WDR75: variants seen among roughly 807,000 people sequenced by gnomAD.
WDR75 encodes WD repeat-containing protein 75.
Under a neutral mutation model 106.1 loss-of-function variants are expected in WDR75, and 52 were observed. The observed-to-expected ratio is 0.49, with a 90% confidence interval of 0.39 to 0.62. The LOEUF (loss-of-function observed/expected upper bound fraction) is 0.62. Among genes scored for constraint, WDR75 ranks in the 20% least tolerant of loss-of-function variants. WDR75 has a pLI of 0.00. For missense variants in WDR75, 905 were observed against 970.3 expected, an observed-to-expected ratio of 0.93 and a Z score of 0.89; for synonymous variants, 333 against 335.5, an observed-to-expected ratio of 0.99 and a Z score of 0.08.
rs888366860 is a variant in WDR75 at position 189,441,683 on chromosome 2, A to G, written c.86+105A>G. 69 of 1,342,960 alleles carry G rather than the reference A, an allele frequency of 5.1e-5. No individual in the cohort carries two copies. The African/African-American group carries it at 9.9e-4, about 19-fold the overall frequency. 83.2% of individuals were successfully genotyped at this position (1,342,960 alleles called of 1,614,324 possible). A position where few individuals can be genotyped will look rare whatever the true frequency, so the allele number is the denominator to read the frequency against. ...GCGTTCGGACTCGCCCGCCTGGCGG[A>G]TATCGGCTTTGGGTAGAGCACGCGC... On this transcript the variant is annotated intron_variant, in intron 1 of 20. Transcript: ENST00000314761.
intron 2 of WDR75, chr2:189,449,327 G>A (rs1367327919): frequency 7.7e-6 from 10 of 1,299,982 alleles, no homozygotes; most frequent in Non-Finnish European, 1.0e-5. Flanking sequence ...AAGTAGCACC[G>A]ATCTTTTCTT....
At chr2:189,459,639 T>C (rs183410270) in intron 8 of WDR75, among the ~76,000 whole-genome samples, 1 of 152,346 alleles carries the variant, frequency 6.6e-6, no homozygotes, top group African/African-American at 2.4e-5. Flanking sequence ...GTGATAAAAA[T>C]CTCTGTTGTT....
intron 5 of WDR75, among the ~76,000 whole-genome samples, chr2:189,456,919 G>A (rs1318237870): frequency 6.6e-6 from 1 of 152,224 alleles, no homozygotes; most frequent in Admixed American, 6.5e-5. Context: ...CAAAGTTACT[G>A]TTAACTTTTG....
At chr2:189,462,364 G>A in intron 8 of WDR75, 120 bp from the exon 9 acceptor site, 1 of 1,134,330 alleles carries the variant, frequency 8.8e-7, no homozygotes, top group South Asian at 1.8e-5. Flanking sequence ...GACACTTTTT[G>A]TAGCTTTAAA....
chr2:189,466,604 G>A, intron 13 of WDR75, 22 bp downstream of exon 13: 1 of 1,579,000 alleles, frequency 6.3e-7, no homozygotes, highest in Non-Finnish European at 8.6e-7. Flanking sequence ...AATATGTTAT[G>A]TTTAAAGTGT....
Position 189,465,178 on chromosome 2 carries a change from G to A in WDR75, c.1213G>A (p.Val405Met). Residue 405 changes from valine to methionine, a missense_variant, in exon 12 of 21, where the codon GTG becomes ATG. Val to Met is a conservative substitution (Grantham distance 21). Coordinates refer to ENST00000314761, the MANE Select transcript of WDR75 (RefSeq NM_032168.3). ...CTGCTTTGGTAACTGGCTTGCAACA[G>A]TGGAACAGCGGCAAGAAAAGGAAAC... ...FGCFGNWLAT[V>M]EQRQEKETEL... The A allele has an allele frequency of 6.2e-7, 1 of 1,613,226 alleles. No homozygotes were observed. Among genetic ancestry groups the A allele is most frequent in the African/African-American group, 1.3e-5 (1 of 74,990 alleles).
chr2:189,443,242 C>G (rs952693762), intron 1 of WDR75, among the ~76,000 whole-genome samples: 1 of 152,126 alleles, frequency 6.6e-6, no homozygotes, highest in African/African-American at 2.4e-5. Flanking sequence ...GATTGCTGAG[C>G]AAATGACATT....
At chr2:189,473,358 A>G (rs1687153014) in intron 18 of WDR75, among the ~76,000 whole-genome samples, 1 of 152,208 alleles carries the variant, frequency 6.6e-6, no homozygotes, top group South Asian at 2.1e-4. Context: ...GGTCTGGCAG[A>G]AATAGAAGAA....
At chr2:189,448,094 C>T (rs1371470) in intron 1 of WDR75, among the ~76,000 whole-genome samples, 22,079 of 152,184 alleles carry the variant, frequency 0.15, 1,986 homozygotes, top group South Asian at 0.2. Flanking sequence ...TGCCTTCCAC[C>T]ATGATTGTGA....
Position 189,452,189 on chromosome 2 carries a change from T to C in WDR75, c.373+294T>C, listed in dbSNP as rs1297444716. On this transcript the variant is annotated intron_variant, in intron 4 of 20. Transcript: ENST00000314761. ...GTCTTTCTACTGAACTTAAATCTGT[T>C]ATTAAGCATCACTATCATTTATCTA... 2.0e-5 allele frequency: 6 copies of C among 296,022 alleles called. No individual in the cohort carries two copies. The East Asian group carries it at 5.0e-4, about 25-fold the overall frequency. The allele number at this position is 296,022 out of a possible 1,614,324, so 18.3% of individuals were successfully genotyped here. A position where few individuals can be genotyped will look rare whatever the true frequency, so the allele number is the denominator to read the frequency against.
chr2:189,468,060 G>A (rs1687040506), intron 14 of WDR75, among the ~76,000 whole-genome samples: 2 of 152,150 alleles, frequency 1.3e-5, no homozygotes, highest in Admixed American at 1.3e-4. Context: ...TGGGCCTGAG[G>A]ACAGAATCAG....
chr2:189,441,516 C>G lies in WDR75; in HGVS notation c.24C>G (p.Arg8=). 6.4e-7 allele frequency: 1 copy of G among 1,566,696 alleles called. No individual in the cohort carries two copies. Among genetic ancestry groups the G allele is most frequent in the East Asian group, 2.3e-5 (1 of 42,598 alleles). ...AGATGGTGGAGGAGGAGAACATCCGCGTGGTTCGTTGTGGCGGCAGCGAGT... is the reference window on the plus strand; with the variant it reads ...AGATGGTGGAGGAGGAGAACATCCGGGTGGTTCGTTGTGGCGGCAGCGAGT... MVEEENI[R]VVRCGGSELN... Residue 8 remains arginine, a synonymous_variant, in exon 1 of 21, where the codon CGC becomes CGG. Coordinates refer to ENST00000314761, the MANE Select transcript of WDR75 (RefSeq NM_032168.3).
At chr2:189,459,101 C>T (rs1254080737) in intron 7 of WDR75, among the ~76,000 whole-genome samples, 1 of 152,124 alleles carries the variant, frequency 6.6e-6, no homozygotes, top group African/African-American at 2.4e-5. Context: ...GTTTGCCTTT[C>T]TCCAAAAAGG....
rs1021129862 is a variant in WDR75, at chr2:189,458,998, A to C, written c.689+126A>C. 31 of 1,196,648 alleles carry C rather than the reference A, an allele frequency of 2.6e-5. No homozygotes were observed. The African/African-American group carries it at 4.6e-4, about 18-fold the overall frequency. 74.1% of individuals were successfully genotyped at this position (1,196,648 alleles called of 1,614,324 possible). A position where few individuals can be genotyped will look rare whatever the true frequency, so the allele number is the denominator to read the frequency against. On this transcript the variant is annotated intron_variant, in intron 7 of 20. Coordinates refer to ENST00000314761, the MANE Select transcript of WDR75 (RefSeq NM_032168.3). The stretch of plus-strand genomic sequence containing the variant: ...TCCTTTTTTGTGTGCTTTTCATTTC[A>C]TACTTACTGTTTTAGAATTTCTAGC...
Position 189,463,772 on chromosome 2 carries a change from G to C in WDR75, c.997+19G>C. The C allele has an allele frequency of 6.2e-7, 1 of 1,613,700 alleles. No homozygotes were observed. Among genetic ancestry groups the C allele is most frequent in the African/African-American group, 1.3e-5 (1 of 75,002 alleles). On this transcript the variant is annotated intron_variant, in intron 10 of 20. Coordinates refer to ENST00000314761, the MANE Select transcript of WDR75 (RefSeq NM_032168.3). The stretch of plus-strand genomic sequence containing the variant: ...GTGAAAGGTATTGCAGAACTCAGTG[G>C]ATTTGGAATCATGAACATTTTAAAG...
Position 189,455,366 on chromosome 2 carries a change from G to C in WDR75, c.420G>C (p.Gln140His). The C allele has an allele frequency of 1.2e-6, 2 of 1,614,172 alleles. No homozygotes were observed. Among genetic ancestry groups the C allele is most frequent in the Non-Finnish European group, 1.7e-6 (2 of 1,180,014 alleles). ...TGAAACTGCCAAAATCCTCAAGCCA[G>C]GAAGTAGAAGCCAAGGAGCTGTCCT... Reference protein sequence around the residue: ...VSVKLPKSSSQEVEAKELSFV... With the variant: ...VSVKLPKSSSHEVEAKELSFV... Residue 140 changes from glutamine (Q) to histidine (H), a missense_variant, in exon 5 of 21, where the codon CAG (glutamine) becomes CAC (histidine). Transcript: ENST00000314761.
intron 2 of WDR75, chr2:189,448,796 T>C (rs949372819): frequency 1.3e-5 from 7 of 524,074 alleles, no homozygotes; most frequent in African/African-American, 1.9e-5. Context: ...TTGTAATCTT[T>C]TTAGGTTCCC....
chr2:189,457,244 A>G, intron 5 of WDR75, 67 bp from the exon 6 acceptor site: 1 of 1,185,036 alleles, frequency 8.4e-7, no homozygotes, highest in Non-Finnish European at 1.2e-6. Flanking sequence ...TTTGTCTCAA[A>G]AAAAAAAGAA....
At chr2:189,469,196 T>C (rs551404333) in intron 15 of WDR75, 148 bp from the exon 16 acceptor site, 109 of 678,716 alleles carry the variant, frequency 1.6e-4, no homozygotes, top group African/African-American at 1.6e-3. Context: ...CCTCTCACTT[T>C]AGTGCAGCAT....
Sources: gnomAD v4.1 joint callset for allele counts (sites outside exome capture counted in the v4.1 genomes callset) on GRCh38, gnomAD v4.1.1 for gene constraint, MANE v1.5 for transcripts, NCBI Gene and HGNC (gene_info 2026-07-23, HGNC 2026-07-21) for gene names.